AGAP1: variants seen among roughly 807,000 people sequenced by gnomAD.
The protein encoded by AGAP1 is arf-GAP with GTPase, ANK repeat and PH domain-containing protein 1.
A neutral mutation model predicts 105.3 loss-of-function variants in AGAP1; 29 were observed. The ratio of observed to expected loss-of-function variants is 0.28; its 90% CI spans 0.21 to 0.38. The LOEUF (loss-of-function observed/expected upper bound fraction) is 0.38, where lower values mean the gene tolerates loss of function less well. Among genes scored for constraint, AGAP1 ranks in the 10% least tolerant of loss-of-function variants. The probability of loss-of-function intolerance (pLI) is 1.00; values close to 1 mark genes in which losing one functional copy is unlikely to be tolerated. For synonymous variants in AGAP1, 509 were observed against 485.9 expected (o/e 1.05, Z -0.63); for missense variants, 998 against 1,165.1 (o/e 0.86, Z 2.09).
At chr2:235,591,674 T>C (rs529180519) in intron 1 of AGAP1, among the ~76,000 whole-genome samples, 9 of 152,298 alleles carry the variant, frequency 5.9e-5, no homozygotes, top group African/African-American at 2.2e-4. Context: ...TGCAGGTGCT[T>C]GGGTCATGGG....
intron 1 of AGAP1, among the ~76,000 whole-genome samples, chr2:235,542,964 C>T (rs767295393): frequency 8.0e-4 from 122 of 152,106 alleles, no homozygotes; most frequent in African/African-American, 1.6e-3. Flanking sequence ...GACCTGGGGA[C>T]GGTCTCCTGG....
At chr2:235,526,373 A>G (rs1295770446) in intron 1 of AGAP1, among the ~76,000 whole-genome samples, 17 of 152,120 alleles carry the variant, frequency 1.1e-4, no homozygotes, top group Admixed American at 1.1e-3. Flanking sequence ...CTTCCATGGG[A>G]GAGGGTATGG....
chr2:235,902,656 A>G (rs1575738239), intron 10 of AGAP1, among the ~76,000 whole-genome samples: 1 of 152,278 alleles, frequency 6.6e-6, no homozygotes, highest in Admixed American at 6.5e-5. Context: ...AGAACTGAAA[A>G]CCAGAGTCAG....
chr2:235,676,829 T>C (rs942511229), intron 1 of AGAP1, among the ~76,000 whole-genome samples: 1 of 152,180 alleles, frequency 6.6e-6, no homozygotes, highest in Admixed American at 6.5e-5. Context: ...AAAAAAGTTA[T>C]AGTTATTGAG....
chr2:235,510,374 C>A (rs1411626199), intron 1 of AGAP1, among the ~76,000 whole-genome samples: 1 of 152,166 alleles, frequency 6.6e-6, no homozygotes, highest in Non-Finnish European at 1.5e-5. Flanking sequence ...TTACATATAT[C>A]CATAGCTTTT....
rs896056543 is a variant in AGAP1 at position 235,930,696 on chromosome 2, A to G, written c.1325-69A>G. On this transcript the variant is annotated intron_variant, in intron 11 of 17. Transcript: ENST00000304032. This position sits in a 1 kb window ranked among gnomAD's most constrained non-coding sequence, Gnocchi z 7.9. ...CTATGTGCCAGCGTGTGGGTCCCAT[A>G]GACTAACTCGCGCTGGTTTCTGTGG... The G allele has an allele frequency of 2.1e-5, 32 of 1,512,672 alleles. No individual in the cohort carries two copies. The highest frequency in any genetic ancestry group is 1.1e-4 in the Admixed American group (6 of 56,248). 93.7% of individuals were successfully genotyped at this position (1,512,672 alleles called of 1,614,324 possible).
chr2:235,728,299 C>CTGTGTGTGTGTGTGTGTGTGTGTGTGTG lies in AGAP1; in HGVS notation c.310+10656_310+10657insGTGTGTGTGTGTGTGTGTGTGTGTGTGT, dbSNP rs1369942234. Among the ~76,000 whole-genome samples the CTGTGTGTGTGTGTGTGTGTGTGTGTGTG allele has an allele frequency of 1.5e-4, 20 of 134,940 alleles. No homozygotes were observed. Among genetic ancestry groups the CTGTGTGTGTGTGTGTGTGTGTGTGTGTG allele is most frequent in the African/African-American group, 5.9e-4 (20 of 33,704 alleles). 88.5% of individuals were successfully genotyped at this position (134,940 alleles called of 152,430 possible). On this transcript the variant is annotated intron_variant, in intron 3 of 17. Transcript: ENST00000304032. The surrounding 1 kb of genome is among the most constrained non-coding windows in gnomAD (Gnocchi z 4.3). ...AGATCTGAAAAGGACTGGGCCCAGACTCTGTGTGTGTGTGTGTGTGTGTGT... is the reference window on the plus strand; with the variant it reads ...AGATCTGAAAAGGACTGGGCCCAGACTGTGTGTGTGTGTGTGTGTGTGTGTGTGTCTGTGTGTGTGTGTGTGTGTGTGT...
chr2:235,948,243 C>T (rs938312278), intron 12 of AGAP1, among the ~76,000 whole-genome samples: 21 of 152,142 alleles, frequency 1.4e-4, no homozygotes, highest in African/African-American at 4.8e-4. Flanking sequence ...AGTGCAGTGG[C>T]ACGATCTCAG....
intron 11 of AGAP1, among the ~76,000 whole-genome samples, chr2:235,920,615 C>G (rs2052137153): frequency 6.6e-6 from 1 of 152,194 alleles, no homozygotes; most frequent in Non-Finnish European, 1.5e-5. Flanking sequence ...TAAGTACTCA[C>G]AGAGGGAATG....
At chr2:235,854,435 G>T (rs1378547689) in intron 9 of AGAP1, among the ~76,000 whole-genome samples, 1 of 152,188 alleles carries the variant, frequency 6.6e-6, no homozygotes, top group East Asian at 1.9e-4. Flanking sequence ...CATGAGATGG[G>T]CCACTCCTGC....
At chr2:235,860,440 C>G (rs538670906) in intron 9 of AGAP1, among the ~76,000 whole-genome samples, 1 of 152,170 alleles carries the variant, frequency 6.6e-6, no homozygotes, top group Non-Finnish European at 1.5e-5. Context: ...TTCTAGTCAC[C>G]ACTGTCTCCC....
intron 1 of AGAP1, among the ~76,000 whole-genome samples, chr2:235,522,259 A>G (rs1182071825): frequency 6.6e-6 from 1 of 152,146 alleles, no homozygotes; most frequent in African/African-American, 2.4e-5. Context: ...ACTGGTGAGA[A>G]TGTCACGTCG....
At chr2:235,594,105 G>A (rs945642131) in intron 1 of AGAP1, among the ~76,000 whole-genome samples, 1 of 152,058 alleles carries the variant, frequency 6.6e-6, no homozygotes, top group African/African-American at 2.4e-5. Context: ...GTTTTCAAGC[G>A]GTGTTAAGGA....
chr2:235,837,044 G>A, intron 9 of AGAP1, among the ~76,000 whole-genome samples: 1 of 152,182 alleles, frequency 6.6e-6, no homozygotes, highest in South Asian at 2.1e-4. Flanking sequence ...GGAGTGCAGT[G>A]GCGCAATCTC....
At position 236,005,445 on chromosome 2, in the gene AGAP1, C is replaced by T. The variant is rs2056290214; in HGVS notation, c.1646-31116C>T. On this transcript the variant is annotated intron_variant, in intron 13 of 17. Transcript: ENST00000304032. This position sits in a 1 kb window ranked among gnomAD's most constrained non-coding sequence, Gnocchi z 4.1. Reference sequence around the variant, plus strand: ...TGTGAGCCACCATGCCCACCCTCTCCCCTGTTAATTTACCTCTTTCATTAG... The same window carrying T: ...TGTGAGCCACCATGCCCACCCTCTCTCCTGTTAATTTACCTCTTTCATTAG... Among the ~76,000 whole-genome samples, 1 of 152,156 alleles carries T rather than the reference C, an allele frequency of 6.6e-6. No homozygotes were observed. The highest frequency in any genetic ancestry group is 2.4e-5 in the African/African-American group (1 of 41,444).
rs2054162076 is a variant in AGAP1 at position 235,961,009 on chromosome 2, A to T, written c.1484-7453A>T. Among the ~76,000 whole-genome samples the T allele has an allele frequency of 6.6e-6, 1 of 152,254 alleles. No individual in the cohort carries two copies. Among genetic ancestry groups the T allele is most frequent in the Non-Finnish European group, 1.5e-5 (1 of 68,048 alleles). On this transcript the variant is annotated intron_variant, in intron 12 of 17. Transcript: ENST00000304032. This position sits in a 1 kb window ranked among gnomAD's most constrained non-coding sequence, Gnocchi z 5.9. The stretch of plus-strand genomic sequence containing the variant: ...CGCAAGTGTCTGTCACACAGAGGTT[A>T]GTTCTTTCATAAAACTTTATTACGT...
chr2:236,036,484 C>A lies in AGAP1; in HGVS notation c.1646-77C>A. Reference sequence around the variant, plus strand: ...GCAGGGGCAGCTGAACCCAGAGGCGCTTCTGTGACAGAGGGCCCGCAGGGG... The same window carrying A: ...GCAGGGGCAGCTGAACCCAGAGGCGATTCTGTGACAGAGGGCCCGCAGGGG... On this transcript the variant is annotated intron_variant, in intron 13 of 17. Coordinates refer to ENST00000304032, the MANE Select transcript of AGAP1 (RefSeq NM_001037131.3). This position sits in a 1 kb window ranked among gnomAD's most constrained non-coding sequence, Gnocchi z 5.7. The A allele has an allele frequency of 6.4e-7, 1 of 1,564,080 alleles. No homozygotes were observed.
intron 6 of AGAP1, among the ~76,000 whole-genome samples, chr2:235,761,466 GTTATT>G (rs1954431942): frequency 6.6e-6 from 1 of 152,146 alleles, no homozygotes; most frequent in Non-Finnish European, 1.5e-5. Context: ...ATAGAAAATG[GTTATT>G]TTAATACTTC....
At position 235,724,747 on chromosome 2, in the gene AGAP1, G is replaced by A. The variant is rs1455348403; in HGVS notation, c.310+7103G>A. Reference sequence around the variant, plus strand: ...TAAGGACCAGTGAGAAACAGTGGGTGAGATTAGGCTCGACAGTTCCCTAAC... The same window carrying A: ...TAAGGACCAGTGAGAAACAGTGGGTAAGATTAGGCTCGACAGTTCCCTAAC... On this transcript the variant is annotated intron_variant, in intron 3 of 17. Transcript: ENST00000304032. The surrounding 1 kb of genome is among the most constrained non-coding windows in gnomAD (Gnocchi z 4.9). 6.6e-6 allele frequency among the ~76,000 whole-genome samples: 1 copy of A among 152,230 alleles called. No individual in the cohort carries two copies. Among genetic ancestry groups the A allele is most frequent in the East Asian group, 1.9e-4 (1 of 5,198 alleles).
Sources: gnomAD v4.1 joint callset for allele counts (sites outside exome capture counted in the v4.1 genomes callset) on GRCh38, gnomAD v4.1.1 for gene constraint, Gnocchi (gnomAD v3.1) non-coding constraint, MANE v1.5 for transcripts, NCBI Gene and HGNC (gene_info 2026-07-23, HGNC 2026-07-21) for gene names.